Variants in CAPN7 observed in about 807,000 individuals in gnomAD.
CAPN7 encodes the protein calpain-7.
Under a neutral mutation model 115.2 loss-of-function variants are expected in CAPN7, and 72 were observed. That is an observed-to-expected ratio of 0.63 (90% CI 0.52 to 0.76). The LOEUF is 0.76. Ranked by LOEUF, CAPN7 falls within the 30% of genes least tolerant of loss-of-function variation. The pLI is 0.00. For missense variants in CAPN7, 905 were observed against 971.5 expected (o/e 0.93, Z 0.91); for synonymous variants, 344 against 322.3 (o/e 1.07, Z -0.72).
chr3:15,236,471 TCAGTCAGCAATAA>T (rs1694999800), intron 12 of CAPN7, among the ~76,000 whole-genome samples: 1 of 152,244 alleles, frequency 6.6e-6, no homozygotes. Context: ...GAAGTAGTGA[TCAGTCAGCAATAA>T]CAGAGCACTA....
intron 6 of CAPN7, among the ~76,000 whole-genome samples, chr3:15,226,947 G>T (rs1694355337): frequency 1.3e-5 from 2 of 151,932 alleles, no homozygotes; most frequent in Admixed American, 6.6e-5. Flanking sequence ...TGTTGCTTCT[G>T]CTCTAGAAAG....
chr3:15,226,719 G>T lies in CAPN7; in HGVS notation c.726-1120G>T, dbSNP rs1444945295. Among the ~76,000 whole-genome samples the T allele has an allele frequency of 2.0e-5, 3 of 152,094 alleles. No individual in the cohort carries two copies. In the East Asian group the frequency reaches 5.8e-4, roughly 29 times the overall value. ...TGTTATATGCCATATTCTATTTTAA[G>T]AGATTGCAATAAACATTGGCTTATT... On this transcript the variant is annotated intron_variant, in intron 6 of 20. Coordinates refer to ENST00000253693, the MANE Select transcript of CAPN7 (RefSeq NM_014296.3).
At chr3:15,244,244 A>G (rs374474963) in intron 16 of CAPN7, among the ~76,000 whole-genome samples, 2 of 152,220 alleles carry the variant, frequency 1.3e-5, no homozygotes, top group African/African-American at 2.4e-5. Flanking sequence ...TTGCTAGTCA[A>G]TATCCCTGCG....
At chr3:15,250,848 C>T in intron 19 of CAPN7, 83 bp from the exon 20 acceptor site, 2 of 925,450 alleles carry the variant, frequency 2.2e-6, no homozygotes, top group Non-Finnish European at 3.5e-6. Flanking sequence ...CTTAGTATGA[C>T]ATCTGCACTT....
intron 8 of CAPN7, among the ~76,000 whole-genome samples, chr3:15,229,800 T>C (rs1479495384): frequency 6.6e-6 from 1 of 152,128 alleles, no homozygotes; most frequent in Non-Finnish European, 1.5e-5. Flanking sequence ...TTAGAATGTA[T>C]TAAAATGTTT....
chr3:15,252,485 G>A lies in CAPN7; in HGVS notation c.*1225G>A, dbSNP rs1056164204. 3 of 152,288 alleles carry A rather than the reference G, an allele frequency of 2.0e-5. No homozygotes were observed. Among genetic ancestry groups the A allele is most frequent in the African/African-American group, 7.2e-5 (3 of 41,406 alleles). 9.4% of individuals were successfully genotyped at this position (152,288 alleles called of 1,614,324 possible). Reference sequence around the variant, plus strand: ...TAAATACTTCATGCTTTCAGTTTTAGCCTATTAATTTTAGGTGGACAAATT... The same window carrying A: ...TAAATACTTCATGCTTTCAGTTTTAACCTATTAATTTTAGGTGGACAAATT... On this transcript the variant is annotated 3_prime_UTR_variant, in exon 21 of 21. Coordinates refer to ENST00000253693, the MANE Select transcript of CAPN7 (RefSeq NM_014296.3).
rs1441520817 is a variant in CAPN7, at chr3:15,240,591, C to T, written c.1526C>T (p.Pro509Leu). Residue 509 changes from proline to leucine, a missense_variant, in exon 13 of 21, where the codon CCC becomes CTC. Around this residue, in one of 3 missense-constraint regions of CAPN7, gnomAD observed 620 missense variants for 703.4 expected, o/e 0.88. Transcript: ENST00000253693. ...TTGCAAAAGTATTTAAACTTTGATC[C>T]CCGAACAGCTCAGAAAATAGACAAC... ...PELQKYLNFDPRTAQKIDNGI... is the reference protein window; with the variant it reads ...PELQKYLNFDLRTAQKIDNGI... The T allele has an allele frequency of 6.2e-7, 1 of 1,605,224 alleles. No individual in the cohort carries two copies. The highest frequency in any genetic ancestry group is 2.2e-5 in the East Asian group (1 of 44,760).
At chr3:15,236,450 CAG>C (rs1481140673) in intron 12 of CAPN7, among the ~76,000 whole-genome samples, 1 of 152,160 alleles carries the variant, frequency 6.6e-6, no homozygotes, top group Non-Finnish European at 1.5e-5. Context: ...CCCTTGATAA[CAG>C]AACGAATAGA....
In CAPN7 at chr3:15,232,574, A is replaced by C; in HGVS notation, c.1088A>C (p.Tyr363Ser). Residue 363 changes from tyrosine to serine, a missense_variant, in exon 10 of 21, where the codon TAT becomes TCT. Coordinates refer to ENST00000253693, the MANE Select transcript of CAPN7 (RefSeq NM_014296.3). ...CACAAGGGAGAATTGCTCTGTTCTT[A>C]TTCCAACAACAAAAGTGAATTATGG... ...VDHKGELLCS[Y>S]SNNKSELWVS... The C allele has an allele frequency of 3.1e-6, 5 of 1,612,616 alleles. No homozygotes were observed. Among genetic ancestry groups the C allele is most frequent in the Non-Finnish European group, 4.2e-6 (5 of 1,179,024 alleles).
intron 19 of CAPN7, among the ~76,000 whole-genome samples, chr3:15,249,600 G>A (rs1417402509): frequency 6.9e-6 from 1 of 145,678 alleles, no homozygotes; most frequent in Non-Finnish European, 1.5e-5. Context: ...CAATTTAAGA[G>A]TTTTTTTCTA....
chr3:15,223,625 A>ATT (rs1351714463), intron 6 of CAPN7, 64 bp downstream of exon 6: 11 of 923,956 alleles, frequency 1.2e-5, no homozygotes, highest in Non-Finnish European at 1.7e-5. Flanking sequence ...CTGAAGTTCA[A>ATT]TTTAATAGCC....
intron 14 of CAPN7, among the ~76,000 whole-genome samples, chr3:15,241,139 A>C (rs575193318): frequency 6.6e-6 from 1 of 152,174 alleles, no homozygotes; most frequent in Non-Finnish European, 1.5e-5. Flanking sequence ...TGGGAGGTGG[A>C]GGTTGCAGTG....
chr3:15,240,663 A>G (rs1403246431), intron 13 of CAPN7, 46 bp downstream of exon 13: 1 of 1,561,750 alleles, frequency 6.4e-7, no homozygotes, highest in Admixed American at 2.0e-5. Context: ...CTTCAAAAAA[A>G]AACATGTTTT....
At chr3:15,207,079 G>A (rs932005429) in intron 1 of CAPN7, among the ~76,000 whole-genome samples, 2 of 152,166 alleles carry the variant, frequency 1.3e-5, no homozygotes, top group African/African-American at 2.4e-5. Context: ...TGTGTTCTTA[G>A]GCCATTTTGT....
chr3:15,230,414 A>G lies in CAPN7; in HGVS notation c.939-28A>G, dbSNP rs567617282. 21 of 1,426,208 alleles carry G rather than the reference A, an allele frequency of 1.5e-5. No individual in the cohort carries two copies. In the Admixed American group the frequency reaches 3.5e-4, roughly 24 times the overall value. 88.3% of individuals were successfully genotyped at this position (1,426,208 alleles called of 1,614,324 possible). A position where few individuals can be genotyped will look rare whatever the true frequency, so the allele number is the denominator to read the frequency against. On this transcript the variant is annotated intron_variant, in intron 8 of 20. Transcript: ENST00000253693. ...GTTGATATTGAATACTAATGTTGGT[A>G]TTTTAATATTTATTTTTCTTACAAA...
At position 15,250,985 on chromosome 3, in the gene CAPN7, TC is replaced by T; in HGVS notation, c.2263del (p.His755MetfsTer4). 3.7e-6 allele frequency: 6 copies of T among 1,613,628 alleles called. No individual in the cohort carries two copies. The highest frequency in any genetic ancestry group is 4.2e-6 in the Non-Finnish European group (5 of 1,179,642). Reference sequence around the variant, plus strand: ...CAGTTTCTACTCTAGGAGATCCTGGTCCCCATGGCTTTCTGAGGAAATCTAG... The same window carrying T: ...CAGTTTCTACTCTAGGAGATCCTGGTCCCATGGCTTTCTGAGGAAATCTAG... ...VTVSTLGDPG[P>X]HGFLRKSSGD... On this transcript the variant is annotated frameshift_variant, in exon 20 of 21. Transcript: ENST00000253693. LOFTEE classifies it high-confidence loss of function.
chr3:15,207,241 G>T (rs1056370505), intron 1 of CAPN7, among the ~76,000 whole-genome samples: 5 of 152,144 alleles, frequency 3.3e-5, no homozygotes, highest in African/African-American at 1.2e-4. Context: ...ACATGCAGTG[G>T]TAAGTATTTG....
intron 1 of CAPN7, among the ~76,000 whole-genome samples, 162 bp downstream of exon 1, chr3:15,206,759 T>A (rs1038804355): frequency 6.6e-6 from 1 of 152,176 alleles, no homozygotes; most frequent in Non-Finnish European, 1.5e-5. Context: ...CAAGCCCGAG[T>A]GCAGAGGCCG....
intron 6 of CAPN7, 87 bp from the exon 7 acceptor site, chr3:15,227,750 CAA>C (rs201989276): frequency 1.7e-5 from 13 of 767,150 alleles, no homozygotes; most frequent in Non-Finnish European, 2.0e-5. Context: ...ATCACTAGAC[CAA>C]AAAAAAAATC....
Sources: gnomAD v4.1 joint callset for allele counts (sites outside exome capture counted in the v4.1 genomes callset) on GRCh38, gnomAD v4.1.1 for gene constraint, gnomAD v4.1.1 regional missense constraint, MANE v1.5 for transcripts, NCBI Gene and HGNC (gene_info 2026-07-23, HGNC 2026-07-21) for gene names.